Variants in GEMIN5 observed in about 807,000 individuals in gnomAD.
The protein encoded by GEMIN5 is gem nuclear organelle associated protein 5.
GEMIN5 carries 124 observed loss-of-function variants against 176.9 expected under a neutral mutation model. The observed-to-expected ratio is 0.70, with a 90% confidence interval of 0.61 to 0.81. The LOEUF (loss-of-function observed/expected upper bound fraction) is 0.81. Ranked by LOEUF, GEMIN5 falls within the 40% of genes least tolerant of loss-of-function variation. The pLI, the probability that GEMIN5 is intolerant of heterozygous loss-of-function variation, is 0.00. For synonymous variants in GEMIN5, 673 were observed against 665.2 expected (o/e 1.01, Z -0.18); for missense variants, 1,843 against 1,814.6 (o/e 1.02, Z -0.28).
In GEMIN5 at chr5:154,903,108, A is replaced by C; in HGVS notation, c.2700T>G (p.Ala900=). 2 of 1,602,718 alleles carry C rather than the reference A, an allele frequency of 1.2e-6. No individual in the cohort carries two copies. Among genetic ancestry groups the C allele is most frequent in the Non-Finnish European group, 1.7e-6 (2 of 1,169,560 alleles). ...RFHLGLFTDR[A]TLYRMIDIEG... ...CAATATCAATCATTCTATACAGGGT[A>C]GCCCTGTCTGTGAAAAGCCCCAGAT... Residue 900 remains alanine, a synonymous_variant, in exon 19 of 28, where the codon GCT becomes GCG. Coordinates refer to ENST00000285873, the MANE Select transcript of GEMIN5 (RefSeq NM_015465.5).
chr5:154,907,634 C>T lies in GEMIN5; in HGVS notation c.2352G>A (p.Glu784=), dbSNP rs1175054411. 6.2e-7 allele frequency: 1 copy of T among 1,614,036 alleles called. No homozygotes were observed. The highest frequency in any genetic ancestry group is 8.5e-7 in the Non-Finnish European group (1 of 1,179,968). Residue 784 remains glutamate, a synonymous_variant, in exon 16 of 28, where the codon GAG becomes GAA. Transcript: ENST00000285873. ...AGGGTAATTCCGGCTCCCGTGCTTG[C>T]TCCTCCCCTTCTTGGTCTGACACAC... ...ENGVSDQEGE[E]QAREPELPCG... is the part of the protein sequence containing the mutation.
intron 13 of GEMIN5, among the ~76,000 whole-genome samples, chr5:154,914,920 T>A (rs367672755): frequency 6.6e-6 from 1 of 152,244 alleles, no homozygotes; most frequent in African/African-American, 2.4e-5. Flanking sequence ...AATCTATTAA[T>A]AGGAAAAAGT....
intron 14 of GEMIN5, 50 bp downstream of exon 14, chr5:154,912,849 T>C (rs753126310): frequency 1.3e-6 from 2 of 1,484,974 alleles, no homozygotes; most frequent in South Asian, 2.5e-5. Flanking sequence ...AAGAAAGAAT[T>C]TGTTAGAGTA....
chr5:154,905,687 G>A (rs917549064), intron 16 of GEMIN5, among the ~76,000 whole-genome samples: 3 of 151,006 alleles, frequency 2.0e-5, no homozygotes, highest in East Asian at 1.9e-4. Context: ...GAATCTGTAA[G>A]TCTATTACTT....
rs183576538 is a variant in GEMIN5, at chr5:154,919,110, C to T, written c.1599+857G>A. Among the ~76,000 whole-genome samples the T allele has an allele frequency of 2.8e-3, 419 of 151,850 alleles. 3 individuals carry two copies. The highest frequency in any genetic ancestry group is 9.9e-3 in the African/African-American group (409 of 41,394). ...TAAGGAGGCCAAAGCAGGTGGATCA[C>T]TTGAGCTCAGAAGTTCAAAACCAGC... On this transcript the variant is annotated intron_variant, in intron 11 of 27. Coordinates refer to ENST00000285873, the MANE Select transcript of GEMIN5 (RefSeq NM_015465.5).
intron 5 of GEMIN5, 51 bp downstream of exon 5, chr5:154,931,407 A>G (rs1345330816): frequency 5.8e-6 from 9 of 1,552,454 alleles, no homozygotes; most frequent in South Asian, 1.2e-5. Flanking sequence ...AAAACCCTCT[A>G]CTTCCACCAG....
At chr5:154,923,316 G>A (rs1213759228) in intron 9 of GEMIN5, among the ~76,000 whole-genome samples, 1 of 151,928 alleles carries the variant, frequency 6.6e-6, no homozygotes, top group Non-Finnish European at 1.5e-5. Flanking sequence ...GAAGGCGAAG[G>A]TTTTGGTGAG....
intron 11 of GEMIN5, among the ~76,000 whole-genome samples, chr5:154,918,606 C>T (rs185881333): frequency 2.0e-5 from 3 of 152,222 alleles, no homozygotes; most frequent in Non-Finnish European, 2.9e-5. Context: ...CTTAGGAACA[C>T]GAATTTTGTC....
chr5:154,903,268 C>A, intron 18 of GEMIN5, 93 bp from the exon 19 acceptor site: 1 of 788,348 alleles, frequency 1.3e-6, no homozygotes, highest in South Asian at 1.6e-5. Context: ...TTTGGAACAC[C>A]CACTTCAGAC....
chr5:154,910,192 G>C (rs944596495), intron 15 of GEMIN5, among the ~76,000 whole-genome samples: 3 of 151,856 alleles, frequency 2.0e-5, no homozygotes, highest in African/African-American at 7.3e-5. Context: ...ATTGTTACCA[G>C]TTTTTGGTGA....
At position 154,889,392 on chromosome 5, in the gene GEMIN5, A is replaced by C. The variant is rs76192856; in HGVS notation, c.4288T>G (p.Ser1430Ala). The C allele has an allele frequency of 9.7e-4, 1,569 of 1,609,452 alleles. 13 individuals are homozygous for C. The African/African-American group carries it at 0.018, about 19-fold the overall frequency. The change falls in exon 27 of 28, where the codon TCT becomes GCT. Residue 1430 changes from serine to alanine, a missense_variant. Coordinates refer to ENST00000285873, the MANE Select transcript of GEMIN5 (RefSeq NM_015465.5). ...QCKEEKNEPLSLPELTKRLTE... is the reference protein window; with the variant it reads ...QCKEEKNEPLALPELTKRLTE... ...AGCCTTTTGGTTAACTCAGGCAGAG[A>C]AAGTGGCTCATTTTTTTCTTCTTTA...
intron 15 of GEMIN5, among the ~76,000 whole-genome samples, chr5:154,910,245 T>C (rs1049842168): frequency 7.2e-5 from 11 of 152,266 alleles, no homozygotes; most frequent in Middle Eastern, 6.8e-3. Context: ...CAAGTCTTTA[T>C]GTGGACACAT....
At chr5:154,919,735 A>AT (rs1309745985) in intron 11 of GEMIN5, among the ~76,000 whole-genome samples, 1 of 151,634 alleles carries the variant, frequency 6.6e-6, no homozygotes, top group African/African-American at 2.4e-5. Context: ...TGGCTTTTTT[A>AT]TTTTTTTGCC....
chr5:154,933,824 T>C (rs1764212266), intron 3 of GEMIN5, among the ~76,000 whole-genome samples: 1 of 149,406 alleles, frequency 6.7e-6, no homozygotes, highest in Admixed American at 6.7e-5. Flanking sequence ...AATAATACTA[T>C]TCTGAAGATC....
chr5:154,899,619 TA>T (rs11285608), intron 21 of GEMIN5, among the ~76,000 whole-genome samples: 138,679 of 149,288 alleles, frequency 0.93, 64,703 homozygotes, highest in South Asian at 0.98. Flanking sequence ...GCTTTTTTAT[TA>T]AAAAAAAAAA....
At chr5:154,906,263 T>G (rs1222908892) in intron 16 of GEMIN5, among the ~76,000 whole-genome samples, 2 of 152,194 alleles carry the variant, frequency 1.3e-5, no homozygotes, top group African/African-American at 4.8e-5. Flanking sequence ...CCCATAGTGC[T>G]GGGATTACAG....
chr5:154,890,406 G>A (rs1177184551), intron 26 of GEMIN5, among the ~76,000 whole-genome samples: 1 of 151,656 alleles, frequency 6.6e-6, no homozygotes, highest in African/African-American at 2.4e-5. Flanking sequence ...GCCCCTGCCT[G>A]GGTTACTTTT....
At chr5:154,899,337 C>A in intron 21 of GEMIN5, 27 bp from the exon 22 acceptor site, 1 of 1,583,422 alleles carries the variant, frequency 6.3e-7, no homozygotes, top group Non-Finnish European at 8.6e-7. Context: ...ACCCTTTAGC[C>A]AATCTGAAAA....
chr5:154,914,317 G>A (rs960760969), intron 13 of GEMIN5, among the ~76,000 whole-genome samples: 10 of 151,664 alleles, frequency 6.6e-5, no homozygotes, highest in Non-Finnish European at 8.8e-5. Context: ...CACCACGCCC[G>A]GCCTAAATAA....
Sources: allele counts gnomAD v4.1 joint callset (sites outside exome capture counted in the v4.1 genomes callset), GRCh38; gene constraint gnomAD v4.1.1; transcripts MANE v1.5; gene names NCBI Gene and HGNC (gene_info 2026-07-23, HGNC 2026-07-21).